LDB2: variants seen among roughly 807,000 people sequenced by gnomAD.
LDB2 encodes the protein LIM domain-binding protein 2.
A neutral mutation model predicts 44.3 loss-of-function variants in LDB2; 12 were observed. The observed-to-expected ratio is 0.27, with a 90% confidence interval of 0.17 to 0.44. The LOEUF (loss-of-function observed/expected upper bound fraction) is 0.44. LDB2 is among the 20% of genes least tolerant of loss of function. The probability of loss-of-function intolerance (pLI) is 1.00; values close to 1 mark genes in which losing one functional copy is unlikely to be tolerated. For missense variants in LDB2, 344 were observed against 473.5 expected, an observed-to-expected ratio of 0.73 and a Z score of 2.54; for synonymous variants, 164 against 174.8, an observed-to-expected ratio of 0.94 and a Z score of 0.49.
intron 1 of LDB2, among the ~76,000 whole-genome samples, chr4:16,862,448 A>G (rs147584672): frequency 0.014 from 2,185 of 151,886 alleles, 58 homozygotes; most frequent in African/African-American, 0.05. Flanking sequence ...AGCCTGACCA[A>G]CATGGAGAAA....
intron 1 of LDB2, among the ~76,000 whole-genome samples, chr4:16,833,068 T>G (rs1410671081): frequency 6.6e-6 from 1 of 152,188 alleles, no homozygotes; most frequent in Non-Finnish European, 1.5e-5. Context: ...AAATAAATAT[T>G]TATTCACTTA....
chr4:16,890,703 C>T (rs1347492095), intron 1 of LDB2, among the ~76,000 whole-genome samples: 2 of 152,134 alleles, frequency 1.3e-5, no homozygotes, highest in African/African-American at 2.4e-5. Flanking sequence ...ACTGAGGCCT[C>T]GGTTGCTTGT....
chr4:16,707,962 C>T (rs571557860), intron 2 of LDB2, among the ~76,000 whole-genome samples: 1 of 152,286 alleles, frequency 6.6e-6, no homozygotes, highest in South Asian at 2.1e-4. Flanking sequence ...GAAAGACTTG[C>T]GTGTGTGCCT....
intron 1 of LDB2, among the ~76,000 whole-genome samples, chr4:16,879,749 T>C (rs1200418183): frequency 1.3e-5 from 2 of 152,182 alleles, no homozygotes; most frequent in Non-Finnish European, 2.9e-5. Flanking sequence ...AATGAATCTC[T>C]TCCTGGATAT....
chr4:16,618,255 C>T (rs1316582703), intron 2 of LDB2, among the ~76,000 whole-genome samples: 8 of 152,172 alleles, frequency 5.3e-5, no homozygotes, highest in Non-Finnish European at 1.2e-4. Context: ...TAGCGTCTGA[C>T]ACTTCTAACA....
intron 5 of LDB2, among the ~76,000 whole-genome samples, chr4:16,516,063 T>G (rs1267358412): frequency 6.6e-6 from 1 of 151,576 alleles, no homozygotes; most frequent in Non-Finnish European, 1.5e-5. Context: ...AGACGGGATT[T>G]CACCGTGTGT....
chr4:16,735,872 C>T (rs1456196950), intron 2 of LDB2, among the ~76,000 whole-genome samples: 3 of 152,108 alleles, frequency 2.0e-5, no homozygotes, highest in Non-Finnish European at 2.9e-5. Flanking sequence ...GACCGGAAGT[C>T]GCTGTTGGAG....
At chr4:16,620,356 G>A (rs1354169967) in intron 2 of LDB2, among the ~76,000 whole-genome samples, 1 of 152,158 alleles carries the variant, frequency 6.6e-6, no homozygotes, top group East Asian at 1.9e-4. Context: ...AGTAAGTTCT[G>A]AGTTGTTAGA....
intron 2 of LDB2, among the ~76,000 whole-genome samples, chr4:16,650,697 G>A (rs1192134819): frequency 2.0e-5 from 3 of 152,158 alleles, no homozygotes; most frequent in African/African-American, 7.2e-5. Context: ...CTCTGCAAGT[G>A]AACACATTGA....
At chr4:16,617,628 A>G (rs951446420) in intron 2 of LDB2, among the ~76,000 whole-genome samples, 2 of 152,206 alleles carry the variant, frequency 1.3e-5, no homozygotes, top group African/African-American at 2.4e-5. Context: ...GCAAGAGGTC[A>G]GAGATTCAGT....
chr4:16,738,101 C>A (rs1046576001), intron 2 of LDB2, among the ~76,000 whole-genome samples: 2 of 152,166 alleles, frequency 1.3e-5, no homozygotes, highest in African/African-American at 4.8e-5. Context: ...GGTATAGAAG[C>A]ATCTATGTAA....
In LDB2 at chr4:16,874,755, C is replaced by T. The variant is rs148934962; in HGVS notation, c.132+23599G>A. 2.7e-3 allele frequency among the ~76,000 whole-genome samples: 415 copies of T among 152,282 alleles called. 3 individuals are homozygous for T. Among genetic ancestry groups the T allele is most frequent in the African/African-American group, 9.6e-3 (398 of 41,564 alleles). ...CCTTGGTGGCACAAAGGTTATACTA[C>T]GTGGAAAATCGTGGACAACCATGAG... On this transcript the variant is annotated intron_variant, in intron 1 of 7. Coordinates refer to ENST00000304523, the MANE Select transcript of LDB2 (RefSeq NM_001290.5).
At chr4:16,805,535 ACT>A (rs1309824000) in intron 1 of LDB2, among the ~76,000 whole-genome samples, 1 of 152,156 alleles carries the variant, frequency 6.6e-6, no homozygotes, top group Non-Finnish European at 1.5e-5. Context: ...CTCATGGTCC[ACT>A]TTCTTGATTG....
chr4:16,847,184 A>G (rs140952548), intron 1 of LDB2, among the ~76,000 whole-genome samples: 8 of 152,346 alleles, frequency 5.3e-5, no homozygotes, highest in African/African-American at 1.9e-4. Flanking sequence ...GTAGAAAAAT[A>G]TTTATGCTCA....
At chr4:16,890,437 T>A (rs1320932881) in intron 1 of LDB2, among the ~76,000 whole-genome samples, 1 of 152,180 alleles carries the variant, frequency 6.6e-6, no homozygotes, top group Non-Finnish European at 1.5e-5. Flanking sequence ...ACAGGACAGA[T>A]TCCTCTTCTT....
intron 2 of LDB2, among the ~76,000 whole-genome samples, chr4:16,624,915 TA>T (rs1465029612): frequency 6.6e-6 from 1 of 152,208 alleles, no homozygotes; most frequent in Non-Finnish European, 1.5e-5. Flanking sequence ...TTAGGATGGT[TA>T]AAATACTCAG....
chr4:16,826,294 T>C (rs1783057548), intron 1 of LDB2: 1 of 152,202 alleles, frequency 6.6e-6, no homozygotes, highest in Admixed American at 6.5e-5. Context: ...TCAGAGAACT[T>C]CTAGTCCCAA....
At chr4:16,608,655 C>T (rs550110429) in intron 2 of LDB2, among the ~76,000 whole-genome samples, 1 of 152,318 alleles carries the variant, frequency 6.6e-6, no homozygotes, top group Admixed American at 6.5e-5. Flanking sequence ...ACATAACAAG[C>T]GCACCGGACT....
At chr4:16,760,311 G>A (rs529750523) in intron 1 of LDB2, among the ~76,000 whole-genome samples, 3 of 152,116 alleles carry the variant, frequency 2.0e-5, no homozygotes, top group Non-Finnish European at 4.4e-5. Context: ...AAGTTGCTCT[G>A]CTTATGACAA....
Sources: allele counts gnomAD v4.1 joint callset (sites outside exome capture counted in the v4.1 genomes callset), GRCh38; gene constraint gnomAD v4.1.1; transcripts MANE v1.5; gene names NCBI Gene and HGNC (gene_info 2026-07-23, HGNC 2026-07-21).